TMCO4: variants seen among roughly 807,000 people sequenced by gnomAD.
TMCO4 encodes transmembrane and coiled-coil domains 4, also known as transmembrane and coiled-coil domain-containing protein 4.
Under a neutral mutation model 64.7 loss-of-function variants are expected in TMCO4, and 58 were observed. The ratio of observed to expected loss-of-function variants is 0.90; its 90% confidence interval spans 0.73 to 1.12. The LOEUF (loss-of-function observed/expected upper bound fraction) is 1.12. Among genes scored for constraint, TMCO4 ranks in the 50% most tolerant of loss-of-function variants. The pLI, the probability that TMCO4 is intolerant of heterozygous loss-of-function variation, is 0.00. For missense variants in TMCO4, 780 were observed against 825.9 expected (o/e 0.94, Z 0.68); for synonymous variants, 325 against 346.1 (o/e 0.94, Z 0.68).
chr1:19,750,646 T>C (rs754980740), intron 7 of TMCO4, among the ~76,000 whole-genome samples: 3 of 152,186 alleles, frequency 2.0e-5, no homozygotes, highest in Non-Finnish European at 4.4e-5. Context: ...TTACGCCCTC[T>C]GTGTCCTGAT....
intron 6 of TMCO4, among the ~76,000 whole-genome samples, chr1:19,757,261 G>A (rs548461916): frequency 4.6e-5 from 7 of 152,080 alleles, no homozygotes; most frequent in African/African-American, 1.2e-4. Flanking sequence ...TCTGAAGGCC[G>A]GATATTCTAA....
At chr1:19,737,103 C>A (rs2095458201) in intron 13 of TMCO4, among the ~76,000 whole-genome samples, 1 of 152,214 alleles carries the variant, frequency 6.6e-6, no homozygotes, top group African/African-American at 2.4e-5. Flanking sequence ...CCCCTTCATT[C>A]CCACTTGGGA....
At chr1:19,692,378 G>C (rs1030909424) in intron 15 of TMCO4, among the ~76,000 whole-genome samples, 1 of 152,120 alleles carries the variant, frequency 6.6e-6, no homozygotes, top group Non-Finnish European at 1.5e-5. Flanking sequence ...TGTGACCCTG[G>C]AATGTCTCTA....
At chr1:19,784,407 GC>G (rs916894863) in intron 3 of TMCO4, among the ~76,000 whole-genome samples, 2 of 152,128 alleles carry the variant, frequency 1.3e-5, no homozygotes, top group African/African-American at 4.8e-5. Context: ...GGTTGGGTGT[GC>G]CTGTAATCCC....
chr1:19,705,547 A>C (rs1405623017), intron 13 of TMCO4, among the ~76,000 whole-genome samples: 2 of 152,090 alleles, frequency 1.3e-5, no homozygotes, highest in Non-Finnish European at 2.9e-5. Flanking sequence ...GCAAAAAAAA[A>C]AACAACTCAT....
intron 14 of TMCO4, among the ~76,000 whole-genome samples, chr1:19,695,485 G>C (rs111327617): frequency 6.6e-6 from 1 of 152,208 alleles, no homozygotes; most frequent in South Asian, 2.1e-4. Context: ...AGCCCATTCT[G>C]CTGTCTTTTA....
At chr1:19,712,628 AAAAAAAG>A (rs2095336461) in intron 13 of TMCO4, among the ~76,000 whole-genome samples, 1 of 152,000 alleles carries the variant, frequency 6.6e-6, no homozygotes, top group African/African-American at 2.4e-5. Context: ...TCAAAAAAAA[AAAAAAAG>A]AAAAAAGAAA....
chr1:19,699,446 T>G (rs1364561186), intron 14 of TMCO4, among the ~76,000 whole-genome samples: 1 of 150,196 alleles, frequency 6.7e-6, no homozygotes, highest in East Asian at 1.9e-4. Flanking sequence ...AGGACTGTCT[T>G]GCATCAAAGT....
intron 15 of TMCO4, among the ~76,000 whole-genome samples, chr1:19,685,637 G>A (rs184721847): frequency 8.3e-4 from 126 of 151,664 alleles, no homozygotes; most frequent in African/African-American, 2.5e-3. Flanking sequence ...TGAGCCACAC[G>A]GAGGTAAAGT....
intron 13 of TMCO4, among the ~76,000 whole-genome samples, chr1:19,716,827 T>C (rs1354543330): frequency 2.0e-5 from 3 of 152,134 alleles, no homozygotes; most frequent in Non-Finnish European, 2.9e-5. Flanking sequence ...CAGGTATCCA[T>C]GGAGGCCCTG....
At chr1:19,709,775 A>ATT (rs1205107867) in intron 13 of TMCO4, among the ~76,000 whole-genome samples, 1 of 142,646 alleles carries the variant, frequency 7.0e-6, no homozygotes, top group African/African-American at 2.6e-5. Flanking sequence ...CTGGAATTCT[A>ATT]TTTTTTTTTC....
chr1:19,769,181 A>T (rs1235635655), intron 6 of TMCO4, among the ~76,000 whole-genome samples: 1 of 152,180 alleles, frequency 6.6e-6, no homozygotes, highest in Non-Finnish European at 1.5e-5. Context: ...ACAGAGTCCC[A>T]GTCCCCTTGC....
chr1:19,744,404 C>T (rs986610307), intron 10 of TMCO4, among the ~76,000 whole-genome samples: 1 of 152,148 alleles, frequency 6.6e-6, no homozygotes, highest in African/African-American at 2.4e-5. Flanking sequence ...TTGCAGCATC[C>T]TGAAAAGGTG....
chr1:19,778,666 C>A (rs1010282315), intron 4 of TMCO4, among the ~76,000 whole-genome samples: 1 of 152,186 alleles, frequency 6.6e-6, no homozygotes, highest in African/African-American at 2.4e-5. Flanking sequence ...AAATAAACTG[C>A]TCGAGGTCAC....
intron 13 of TMCO4, among the ~76,000 whole-genome samples, chr1:19,727,105 G>A (rs973426258): frequency 6.6e-6 from 1 of 152,210 alleles, no homozygotes; most frequent in Non-Finnish European, 1.5e-5. Flanking sequence ...CTGCCTGGAG[G>A]CGTGGGAGGA....
At chr1:19,683,680 T>A (rs2095122221) in intron 15 of TMCO4, among the ~76,000 whole-genome samples, 1 of 151,472 alleles carries the variant, frequency 6.6e-6, no homozygotes, top group Admixed American at 6.6e-5. Context: ...CTCTAAAAAA[T>A]CTGGATCCTT....
At chr1:19,788,231 A>G (rs1415563450) in intron 2 of TMCO4, among the ~76,000 whole-genome samples, 3 of 152,314 alleles carry the variant, frequency 2.0e-5, no homozygotes, top group East Asian at 3.9e-4. Flanking sequence ...CATGAGTCCA[A>G]TCGTGTTAAA....
In TMCO4 at chr1:19,734,569, A is replaced by AC. The variant is rs2095444798; in HGVS notation, c.1264+2802dup. Among the ~76,000 whole-genome samples the AC allele has an allele frequency of 1.3e-5, 2 of 151,616 alleles. No homozygotes were observed. Among genetic ancestry groups the AC allele is most frequent in the Non-Finnish European group, 2.9e-5 (2 of 67,890 alleles). On this transcript the variant is annotated intron_variant, in intron 13 of 15. Coordinates refer to ENST00000294543, the MANE Select transcript of TMCO4 (RefSeq NM_181719.7). This position sits in a 1 kb window ranked among gnomAD's most constrained non-coding sequence, Gnocchi z 4.4. ...TAGCCTGGCACAGTGCCAGGCTCCCACCCTGACCTATTAGCATTTCCCACC... is the reference window on the plus strand; with the variant it reads ...TAGCCTGGCACAGTGCCAGGCTCCCACCCCTGACCTATTAGCATTTCCCACC...
intron 6 of TMCO4, among the ~76,000 whole-genome samples, chr1:19,756,651 T>C (rs1369780030): frequency 6.6e-6 from 1 of 152,122 alleles, no homozygotes; most frequent in Admixed American, 6.5e-5. Flanking sequence ...CTAAGAAAAG[T>C]ATGTAATAAC....
Sources: gnomAD v4.1 joint callset for allele counts (sites outside exome capture counted in the v4.1 genomes callset) on GRCh38, gnomAD v4.1.1 for gene constraint, Gnocchi (gnomAD v3.1) non-coding constraint, MANE v1.5 for transcripts, NCBI Gene and HGNC (gene_info 2026-07-23, HGNC 2026-07-21) for gene names.